Variants in RGS4 observed in about 807,000 individuals in gnomAD.
RGS4 encodes the protein schizophrenia disorder 9.
In RGS4, 15 loss-of-function variants were observed where a neutral mutation model predicts 21.6. That is an observed-to-expected ratio of 0.69 (90% CI 0.46 to 1.07). The LOEUF (loss-of-function observed/expected upper bound fraction) is 1.07. Among genes scored for constraint, RGS4 ranks in the 50% least tolerant of loss-of-function variants. The pLI, the probability that RGS4 is intolerant of heterozygous loss-of-function variation, is 0.00. For synonymous variants in RGS4, 94 were observed against 85.5 expected (o/e 1.10, Z -0.55); for missense variants, 237 against 239.0 (o/e 0.99, Z 0.06).
upstream of RGS4, chr1:163,068,882 ACGATGATCCTGCC>A: frequency 1.6e-6 from 2 of 1,230,562 alleles, no homozygotes; most frequent in South Asian, 2.6e-5. Context: ...CTGCGTGGAG[ACGATGATCCTGCC>A]AGCTCCCTTT....
At chr1:163,073,403 C>T in intron 3 of RGS4, 53 bp from the exon 4 acceptor site, 1 of 1,440,100 alleles carries the variant, frequency 6.9e-7, no homozygotes. Context: ...AATAGCATAT[C>T]CAAGAGGCCA....
intron 3 of RGS4, 126 bp downstream of exon 3, chr1:163,072,992 C>G: frequency 1.4e-6 from 1 of 725,682 alleles, no homozygotes; most frequent in Non-Finnish European, 2.3e-6. Flanking sequence ...CTCTTTAGGT[C>G]TTAAATTCAG....
chr1:163,074,226 G>A, intron 4 of RGS4, 95 bp from the exon 5 acceptor site: 2 of 1,507,452 alleles, frequency 1.3e-6, no homozygotes, highest in Non-Finnish European at 1.8e-6. Flanking sequence ...GAAATACAGA[G>A]GGTGCACTGC....
intron 2 of RGS4, 50 bp from the exon 3 acceptor site, chr1:163,072,754 AT>A: frequency 2.0e-6 from 3 of 1,521,804 alleles, no homozygotes; most frequent in Non-Finnish European, 2.7e-6. Context: ...TCTTGCCCCA[AT>A]TTTTTTACCA....
upstream of RGS4, chr1:163,069,167 A>G: frequency 6.7e-7 from 1 of 1,497,900 alleles, no homozygotes; most frequent in Non-Finnish European, 8.9e-7. Context: ...ATTTTTTCCC[A>G]TATCCCTACT....
At chr1:163,071,881 A>G (rs1343907877) in intron 1 of RGS4, 1 of 41,148 alleles carries the variant, frequency 2.4e-5, no homozygotes, top group African/African-American at 2.7e-4. Flanking sequence ...CCCAACATAC[A>G]TGGCTGGAAC....
intron 1 of RGS4, among the ~76,000 whole-genome samples, chr1:163,069,878 C>A (rs527801132): frequency 1.3e-5 from 2 of 152,220 alleles, no homozygotes; most frequent in East Asian, 3.9e-4. Flanking sequence ...ATTTGAGCAT[C>A]CCTGGAGTAC....
In RGS4 at chr1:163,073,467, G is replaced by A. The variant is rs752549666; in HGVS notation, c.223G>A (p.Ala75Thr). Residue 75 changes from alanine (A) to threonine (T), a missense_variant, in exon 4 of 5, where the codon GCT becomes ACT. By Grantham distance (58) the Ala-to-Thr change is moderately conservative. Transcript: ENST00000367909. ...NLISHECGLA[A>T]FKAFLKSEYS... ...CTCCTGTATCATAGGTGGGCTGGCA[G>A]CTTTCAAAGCTTTCTTGAAGTCTGA... The A allele has an allele frequency of 6.3e-7, 1 of 1,581,224 alleles. No individual in the cohort carries two copies. The highest frequency in any genetic ancestry group is 8.6e-7 in the Non-Finnish European group (1 of 1,168,970).
intron 1 of RGS4, among the ~76,000 whole-genome samples, chr1:163,069,760 C>T (rs1655243122): frequency 6.6e-6 from 1 of 152,102 alleles, no homozygotes; most frequent in South Asian, 2.1e-4. Context: ...GAGAACTGTT[C>T]TATTCTTTAA....
chr1:163,074,744 C>T lies in RGS4; in HGVS notation c.*184C>T, dbSNP rs997818041. The T allele has an allele frequency of 1.1e-5, 10 of 891,458 alleles. No individual in the cohort carries two copies. The African/African-American group carries it at 1.5e-4, about 13-fold the overall frequency. The allele number at this position is 891,458 out of a possible 1,614,324, so 55.2% of individuals were successfully genotyped here. On this transcript the variant is annotated 3_prime_UTR_variant, in exon 5 of 5. Coordinates refer to ENST00000367909, the MANE Select transcript of RGS4 (RefSeq NM_005613.6). ...ATATAGCTTTTGGTGTTTGAGTGTT[C>T]ATCAGGGTGGGACCCCATTCCAGTC...
At chr1:163,072,977 G>C (rs908479245) in intron 3 of RGS4, 111 bp downstream of exon 3, 4 of 862,770 alleles carry the variant, frequency 4.6e-6, no homozygotes, top group Admixed American at 4.9e-5. Flanking sequence ...TTCAGACTCA[G>C]GAGACTCTTT....
chr1:163,071,599 C>T (rs1447928560), intron 1 of RGS4, among the ~76,000 whole-genome samples: 2 of 152,010 alleles, frequency 1.3e-5, no homozygotes, highest in Non-Finnish European at 2.9e-5. Context: ...TGGCAATAAA[C>T]TGGAAGCTCA....
At position 163,073,518 on chromosome 1, in the gene RGS4, T is replaced by C; in HGVS notation, c.274T>C (p.Trp92Arg). The change falls in exon 4 of 5, where the codon TGG becomes CGG. Residue 92 changes from tryptophan (W) to arginine (R), a missense_variant. Coordinates refer to ENST00000367909, the MANE Select transcript of RGS4 (RefSeq NM_005613.6). ...ATATAGTGAGGAGAATATTGACTTC[T>C]GGATCAGCTGTGAAGAGTACAAGAA... Reference protein sequence around the residue: ...SEYSEENIDFWISCEEYKKIK... With the variant: ...SEYSEENIDFRISCEEYKKIK... The C allele has an allele frequency of 6.2e-7, 1 of 1,609,020 alleles. No individual in the cohort carries two copies. Among genetic ancestry groups the C allele is most frequent in the Non-Finnish European group, 8.5e-7 (1 of 1,178,366 alleles).
chr1:163,072,557 T>A (rs1655355147), intron 2 of RGS4, 58 bp downstream of exon 2: 3 of 1,272,460 alleles, frequency 2.4e-6, no homozygotes, highest in African/African-American at 3.0e-5. Flanking sequence ...ATGATGGGGA[T>A]GTTCTGTGAG....
intron 1 of RGS4, 43 bp from the exon 2 acceptor site, chr1:163,072,352 A>G (rs1557859359): frequency 1.4e-6 from 2 of 1,416,858 alleles, no homozygotes; most frequent in Non-Finnish European, 2.0e-6. Flanking sequence ...TTTTAAAGAA[A>G]GCTGGTTATT....
At chr1:163,069,819 A>C (rs1655244847) in intron 1 of RGS4, among the ~76,000 whole-genome samples, 1 of 152,132 alleles carries the variant, frequency 6.6e-6, no homozygotes, top group South Asian at 2.1e-4. Context: ...ATGAGGTTTG[A>C]GGCTATGTAC....
intron 4 of RGS4, 36 bp from the exon 5 acceptor site, chr1:163,074,285 T>C: frequency 1.2e-6 from 2 of 1,612,254 alleles, no homozygotes; most frequent in Non-Finnish European, 8.5e-7. Context: ...TCAACAGGGA[T>C]ATAGGTCTAA....
chr1:163,074,188 C>T (rs1215351607), intron 4 of RGS4, 133 bp from the exon 5 acceptor site: 2 of 1,101,780 alleles, frequency 1.8e-6, no homozygotes, highest in Non-Finnish European at 1.3e-6. Flanking sequence ...CAAGGAGGAC[C>T]CCAATGTCAC....
chr1:163,072,114 G>A (rs1200052746), intron 1 of RGS4: 3 of 1,112,096 alleles, frequency 2.7e-6, no homozygotes, highest in Non-Finnish European at 3.3e-6. Context: ...TCAAAATGAC[G>A]GGCATATAAA....
Sources: gnomAD v4.1 joint callset for allele counts (sites outside exome capture counted in the v4.1 genomes callset) on GRCh38, gnomAD v4.1.1 for gene constraint, MANE v1.5 for transcripts, NCBI Gene and HGNC (gene_info 2026-07-23, HGNC 2026-07-21) for gene names.